The following RBL1 variants were observed in gnomAD, a reference collection of about 807,000 sequenced individuals.
The protein encoded by RBL1 is retinoblastoma-like protein 1.
A neutral mutation model predicts 123.0 loss-of-function variants in RBL1; 82 were observed. The ratio of observed to expected loss-of-function variants is 0.67; its 90% CI spans 0.56 to 0.80. The LOEUF is 0.80. Among genes scored for constraint, RBL1 ranks in the 30% least tolerant of loss-of-function variants. RBL1 has a pLI of 0.00. For missense variants in RBL1, 1,171 were observed against 1,299.6 expected, an observed-to-expected ratio of 0.90 and a Z score of 1.52; for synonymous variants, 405 against 441.3, an observed-to-expected ratio of 0.92 and a Z score of 1.03.
intron 20 of RBL1, among the ~76,000 whole-genome samples, chr20:37,005,894 CTTTTTTTTTT>C (rs1013303071): frequency 4.1e-5 from 4 of 98,132 alleles, no homozygotes; most frequent in Middle Eastern, 0.012. Flanking sequence ...TTTTTTCTTT[CTTTTTTTTTT>C]TTTTTTTTTG....
chr20:37,093,646 T>C (rs2065683117), intron 1 of RBL1, among the ~76,000 whole-genome samples: 1 of 133,948 alleles, frequency 7.5e-6, no homozygotes, highest in Admixed American at 7.4e-5. Flanking sequence ...TTTCTTTCCA[T>C]TTTTTTTTTT....
In RBL1 at chr20:37,079,392, T is replaced by A. The variant is rs142772663; in HGVS notation, c.290+9597A>T. Among the ~76,000 whole-genome samples the A allele has an allele frequency of 7.0e-4, 107 of 152,052 alleles. No homozygotes were observed. In the East Asian group the frequency reaches 0.011, roughly 16 times the overall value. On this transcript the variant is annotated intron_variant, in intron 2 of 21. Coordinates refer to ENST00000373664, the MANE Select transcript of RBL1 (RefSeq NM_002895.5). Reference sequence around the variant, plus strand: ...TAACTTAGTGATGTTATCTGATTTATCTGGGATATAGATACTTAGTTTTTG... The same window carrying A: ...TAACTTAGTGATGTTATCTGATTTAACTGGGATATAGATACTTAGTTTTTG...
At chr20:37,067,160 C>G in intron 4 of RBL1, 39 bp from the exon 5 acceptor site, 1 of 1,563,328 alleles carries the variant, frequency 6.4e-7, no homozygotes, top group Non-Finnish European at 8.6e-7. Flanking sequence ...ACACAAAAAC[C>G]AGAAACCTCT....
At position 37,095,941 on chromosome 20, in the gene RBL1, C is replaced by G. The variant is rs765713947; in HGVS notation, c.-13G>C. On this transcript the variant is annotated 5_prime_UTR_variant, in exon 1 of 22. Transcript: ENST00000373664. ...TGTCCTCGAACATCCCTTCAGGCCC[C>G]GCGGGCTGCGCGCCACGGCCCCCGA... is the stretch of plus-strand genomic sequence containing the variant. 2 of 1,520,188 alleles carry G rather than the reference C, an allele frequency of 1.3e-6. No individual in the cohort carries two copies. The highest frequency in any genetic ancestry group is 2.8e-5 in the African/African-American group (2 of 72,472). The allele number at this position is 1,520,188 out of a possible 1,614,324, so 94.2% of individuals were successfully genotyped here.
chr20:37,055,453 A>C, intron 11 of RBL1, 100 bp downstream of exon 11: 1 of 1,572,084 alleles, frequency 6.4e-7, no homozygotes, highest in Non-Finnish European at 8.6e-7. Context: ...AGTGTGTCAT[A>C]GATTGGTGAC....
rs144624668 is a variant in RBL1 at position 36,998,879 on chromosome 20, C to T, written c.3087G>A (p.Lys1029=). The change falls in exon 22 of 22, where the codon AAG becomes AAA. Residue 1029 remains lysine, a synonymous_variant. Transcript: ENST00000373664. ...NMIRQGEQRT[K]KRVIAIDSDA... ...CACTATCGATGGCTATTACTCGCTT[C>T]TTGGTTCTCTGCTCACCTTGCCTTA... 541 of 1,613,696 alleles carry T rather than the reference C, an allele frequency of 3.4e-4. 3 individuals are homozygous for T. The highest frequency in any genetic ancestry group is 1.2e-4 in the Non-Finnish European group (147 of 1,179,706).
At chr20:37,049,676 C>T (rs2064874276) in intron 11 of RBL1, 1 of 747,762 alleles carries the variant, frequency 1.3e-6, no homozygotes, top group Non-Finnish European at 2.4e-6. Flanking sequence ...AAATGTCTGA[C>T]TTACTGCTTC....
chr20:37,012,492 T>C (rs1055266892), intron 19 of RBL1, among the ~76,000 whole-genome samples: 1 of 147,090 alleles, frequency 6.8e-6, no homozygotes, highest in Non-Finnish European at 1.5e-5. Context: ...TCGTCTGAGA[T>C]GTGGGGAGCG....
intron 2 of RBL1, among the ~76,000 whole-genome samples, chr20:37,071,589 G>A (rs1183216921): frequency 6.6e-6 from 1 of 152,188 alleles, no homozygotes; most frequent in Admixed American, 6.5e-5. Flanking sequence ...CTGAGGGGTT[G>A]AAGCTGCAGT....
At position 36,998,585 on chromosome 20, in the gene RBL1, T is replaced by G; in HGVS notation, c.*174A>C. 1.7e-6 allele frequency: 1 copy of G among 590,232 alleles called. No individual in the cohort carries two copies. The highest frequency in any genetic ancestry group is 3.1e-5 in the East Asian group (1 of 32,162). The allele number at this position is 590,232 out of a possible 1,614,324, so 36.6% of individuals were successfully genotyped here. On this transcript the variant is annotated 3_prime_UTR_variant, in exon 22 of 22. Coordinates refer to ENST00000373664, the MANE Select transcript of RBL1 (RefSeq NM_002895.5). ...CCTTTCCAATCCAACTCAAAATACA[T>G]CTCTGTCAACTACATTTTGGATAAA...
At chr20:37,070,584 A>C (rs2065268735) in intron 2 of RBL1, among the ~76,000 whole-genome samples, 1 of 152,210 alleles carries the variant, frequency 6.6e-6, no homozygotes, top group Admixed American at 6.5e-5. Flanking sequence ...TTTGATTACA[A>C]AGCACCAGAT....
chr20:37,006,708 C>T (rs552326060), intron 20 of RBL1, among the ~76,000 whole-genome samples: 1 of 148,720 alleles, frequency 6.7e-6, no homozygotes, highest in South Asian at 2.2e-4. Context: ...GGTGTGGTGA[C>T]ACACTCCTGT....
intron 21 of RBL1, among the ~76,000 whole-genome samples, chr20:36,999,654 A>C (rs1742839797): frequency 6.6e-6 from 1 of 151,972 alleles, no homozygotes; most frequent in Non-Finnish European, 1.5e-5. Context: ...GCCACGCCTG[A>C]CTGGTTTTCG....
At chr20:37,064,468 G>A (rs1001045901) in intron 7 of RBL1, among the ~76,000 whole-genome samples, 1 of 152,046 alleles carries the variant, frequency 6.6e-6, no homozygotes, top group African/African-American at 2.4e-5. Flanking sequence ...AATTGGCCGG[G>A]TGTGGTGGGT....
At chr20:37,091,652 C>A (rs1413763036) in intron 1 of RBL1, among the ~76,000 whole-genome samples, 6 of 136,288 alleles carry the variant, frequency 4.4e-5, no homozygotes, top group Non-Finnish European at 7.6e-5. Context: ...GGTGAAAGAA[C>A]GAGACTCTAT....
chr20:37,050,003 G>A (rs1167387896), intron 11 of RBL1, among the ~76,000 whole-genome samples: 10 of 149,192 alleles, frequency 6.7e-5, no homozygotes, highest in African/African-American at 1.7e-4. Context: ...CGGAGGTTGC[G>A]GTGAGCCAAG....
At chr20:37,000,028 A>G (rs2063941174) in intron 21 of RBL1, among the ~76,000 whole-genome samples, 1 of 148,744 alleles carries the variant, frequency 6.7e-6, no homozygotes, top group African/African-American at 2.5e-5. Flanking sequence ...CCCGGCCGCC[A>G]TCCCATCTAG....
chr20:36,998,924 C>T lies in RBL1; in HGVS notation c.3042G>A (p.Leu1014=), dbSNP rs771144496. The change falls in exon 22 of 22, where the codon TTG becomes TTA. Residue 1014 remains leucine, a synonymous_variant. Coordinates refer to ENST00000373664, the MANE Select transcript of RBL1 (RefSeq NM_002895.5). ...GCCTTATCATGTTGTTGATATCTTT[C>T]AAACTCTGTGCAGAAATAGAGAACG... ...YKFNGSPSKS[L]KDINNMIRQG... is the part of the protein sequence containing the mutation. The T allele has an allele frequency of 9.9e-6, 16 of 1,611,078 alleles. No homozygotes were observed. The highest frequency in any genetic ancestry group is 1.4e-5 in the Non-Finnish European group (16 of 1,178,826).
intron 19 of RBL1, among the ~76,000 whole-genome samples, chr20:37,011,082 A>G (rs2064141833): frequency 6.6e-6 from 1 of 152,090 alleles, no homozygotes; most frequent in African/African-American, 2.4e-5. Flanking sequence ...AGCCTTCCAA[A>G]GTGCTGGGAT....
Sources: allele counts gnomAD v4.1 joint callset (sites outside exome capture counted in the v4.1 genomes callset), GRCh38; gene constraint gnomAD v4.1.1; transcripts MANE v1.5; gene names NCBI Gene and HGNC (gene_info 2026-07-23, HGNC 2026-07-21).